OR3A2: variants seen among roughly 807,000 people sequenced by gnomAD.
OR3A2 encodes olfactory receptor family 3 subfamily A member 2.
For missense variants in OR3A2, 318 were observed against 392.8 expected (o/e 0.81, Z 1.61); for synonymous variants, 126 against 159.3 (o/e 0.79, Z 1.57).
In OR3A2 at chr17:3,292,305, C is replaced by T. The variant is rs61736316; in HGVS notation, c.-84-13152G>A. On this transcript the variant is annotated intron_variant, in intron 3 of 4. Transcript: ENST00000573491. ...AAGGCAGGCCCCACAGGGAACTGCACGCTTGCGGGACAGGAGACGACTCAA... is the reference window on the plus strand; with the variant it reads ...AAGGCAGGCCCCACAGGGAACTGCATGCTTGCGGGACAGGAGACGACTCAA... 1,792 of 1,614,054 alleles carry T rather than the reference C, an allele frequency of 1.1e-3. 7 individuals carry two copies. Among genetic ancestry groups the T allele is most frequent in the Non-Finnish European group, 1.2e-3 (1,468 of 1,180,006 alleles).
chr17:3,377,998 G>A (rs899327753), intron 2 of OR3A2, among the ~76,000 whole-genome samples: 9 of 152,156 alleles, frequency 5.9e-5, no homozygotes, highest in Non-Finnish European at 8.8e-5. Flanking sequence ...ATAACAAGGA[G>A]AAATGAAAGC....
At chr17:3,350,786 A>G (rs1213780789) in intron 2 of OR3A2, among the ~76,000 whole-genome samples, 22 of 150,442 alleles carry the variant, frequency 1.5e-4, no homozygotes, top group African/African-American at 4.9e-4. Context: ...AATCCTCAAT[A>G]AAATACTGGC....
chr17:3,325,903 C>G (rs1013560900), intron 3 of OR3A2, among the ~76,000 whole-genome samples: 1 of 152,050 alleles, frequency 6.6e-6, no homozygotes, highest in Non-Finnish European at 1.5e-5. Context: ...AGGTATTAAG[C>G]CCAGCATCCA....
chr17:3,369,948 C>G (rs552047192), intron 2 of OR3A2, among the ~76,000 whole-genome samples: 5 of 151,944 alleles, frequency 3.3e-5, no homozygotes, highest in African/African-American at 4.8e-5. Flanking sequence ...GGACTACAGG[C>G]GCATGCCACC....
intron 3 of OR3A2, chr17:3,291,946 G>T: frequency 6.2e-7 from 1 of 1,614,206 alleles, no homozygotes; most frequent in Non-Finnish European, 8.5e-7. Flanking sequence ...AGAGCCATGG[G>T]GGTACCTGCC....
intron 3 of OR3A2, among the ~76,000 whole-genome samples, chr17:3,289,399 T>G (rs1894302): frequency 0.49 from 74,039 of 152,114 alleles, 19,769 homozygotes; most frequent in East Asian, 0.93. Context: ...AATCAGGCCT[T>G]TGGCCATTGT....
At position 3,292,042 on chromosome 17, in the gene OR3A2, A is replaced by G. The variant is rs61734042; in HGVS notation, c.-84-12889T>C. ...TGGAAGAGCTGTGGGAGGTCACAGT[A>G]GAAGTGATTGATCACATTGGGGCCA... On this transcript the variant is annotated intron_variant, in intron 3 of 4. Transcript: ENST00000573491. The G allele has an allele frequency of 1.7e-3, 2,754 of 1,614,238 alleles. 20 individuals carry two copies. In the African/African-American group the frequency reaches 0.02, roughly 11 times the overall value.
chr17:3,293,753 A>T (rs968681966), intron 3 of OR3A2, among the ~76,000 whole-genome samples: 3 of 152,220 alleles, frequency 2.0e-5, no homozygotes, highest in African/African-American at 7.2e-5. Flanking sequence ...TGGTACATAT[A>T]CACCACGGAA....
intron 2 of OR3A2, among the ~76,000 whole-genome samples, chr17:3,381,194 CGTGT>C (rs575443194): frequency 6.6e-6 from 1 of 151,752 alleles, no homozygotes; most frequent in Non-Finnish European, 1.5e-5. Flanking sequence ...GGGATACATC[CGTGT>C]GTGTCTGTGT....
At chr17:3,292,413 T>C in intron 3 of OR3A2, 1 of 1,613,656 alleles carries the variant, frequency 6.2e-7, no homozygotes, top group Non-Finnish European at 8.5e-7. Flanking sequence ...GGTGTGGAGT[T>C]TGGGCTCCAC....
At chr17:3,334,432 A>G (rs1597346538) in intron 3 of OR3A2, among the ~76,000 whole-genome samples, 1 of 152,162 alleles carries the variant, frequency 6.6e-6, no homozygotes, top group East Asian at 1.9e-4. Flanking sequence ...TTCACCTAAC[A>G]TAATGACCCC....
At chr17:3,356,769 G>A (rs1017733099) in intron 2 of OR3A2, among the ~76,000 whole-genome samples, 2 of 151,536 alleles carry the variant, frequency 1.3e-5, no homozygotes, top group South Asian at 4.1e-4. Context: ...ATGACAAGAT[G>A]CAAGATAAAT....
At chr17:3,358,915 T>C (rs2049485767) in intron 2 of OR3A2, among the ~76,000 whole-genome samples, 1 of 151,716 alleles carries the variant, frequency 6.6e-6, no homozygotes, top group Admixed American at 6.6e-5. Context: ...CAAGAGTCTA[T>C]GTCTCCTTGT....
intron 3 of OR3A2, among the ~76,000 whole-genome samples, chr17:3,314,690 A>AT (rs1361795888): frequency 1.3e-5 from 2 of 152,096 alleles, no homozygotes; most frequent in African/African-American, 4.8e-5. Context: ...AAATACATAT[A>AT]TTTTTTAAAT....
intron 3 of OR3A2, among the ~76,000 whole-genome samples, chr17:3,289,754 C>G (rs1170761778): frequency 6.6e-6 from 1 of 152,142 alleles, no homozygotes; most frequent in Non-Finnish European, 1.5e-5. Flanking sequence ...TCAAGCGTGT[C>G]GTGAATGAGA....
chr17:3,344,926 G>A (rs2049349844), intron 2 of OR3A2, among the ~76,000 whole-genome samples: 1 of 152,170 alleles, frequency 6.6e-6, no homozygotes, highest in Non-Finnish European at 1.5e-5. Flanking sequence ...ATCAAGTCTG[G>A]AGGATCAAAC....
At chr17:3,333,146 T>A (rs1049614448) in intron 3 of OR3A2, among the ~76,000 whole-genome samples, 12 of 152,190 alleles carry the variant, frequency 7.9e-5, no homozygotes, top group Non-Finnish European at 1.5e-5. Flanking sequence ...AATAATTGCA[T>A]TCCTGGGTGG....
intron 3 of OR3A2, among the ~76,000 whole-genome samples, chr17:3,309,724 T>C (rs907747932): frequency 1.3e-5 from 2 of 152,142 alleles, no homozygotes; most frequent in Non-Finnish European, 2.9e-5. Flanking sequence ...GTTTCACTGT[T>C]TTTCATCTCA....
At chr17:3,291,653 C>T (rs1261130691) in intron 3 of OR3A2, 2 of 1,600,388 alleles carry the variant, frequency 1.2e-6, no homozygotes, top group East Asian at 4.5e-5. Flanking sequence ...GTGACCGCCT[C>T]CCTGTGAGCA....
Sources: allele counts gnomAD v4.1 joint callset (sites outside exome capture counted in the v4.1 genomes callset), GRCh38; gene constraint gnomAD v4.1.1; transcripts MANE v1.5; gene names NCBI Gene and HGNC (gene_info 2026-07-23, HGNC 2026-07-21).